ATP8A1: variants seen among roughly 807,000 people sequenced by gnomAD.
ATP8A1 encodes the protein phospholipid-transporting ATPase IA.
A neutral mutation model predicts 177.7 loss-of-function variants in ATP8A1; 90 were observed. That is an observed-to-expected ratio of 0.51 (90% CI 0.43 to 0.60). ATP8A1 has a LOEUF of 0.60. ATP8A1 is among the 20% of genes least tolerant of loss of function. The pLI is 0.00. For missense variants in ATP8A1, 1,072 were observed against 1,392.8 expected, an observed-to-expected ratio of 0.77 and a Z score of 3.67; for synonymous variants, 493 against 485.9, an observed-to-expected ratio of 1.01 and a Z score of -0.19.
chr4:42,650,837 C>G (rs1225121109), intron 1 of ATP8A1, among the ~76,000 whole-genome samples: 1 of 152,078 alleles, frequency 6.6e-6, no homozygotes, highest in Non-Finnish European at 1.5e-5. Flanking sequence ...AGCTCCAGAG[C>G]AGTTTCTATG....
intron 8 of ATP8A1, 143 bp from the exon 9 acceptor site, chr4:42,586,619 C>T (rs1260650393): frequency 2.4e-6 from 2 of 841,596 alleles, no homozygotes; most frequent in African/African-American, 1.7e-5. Context: ...TCTGTCAAAT[C>T]ATAATTAAGA....
intron 24 of ATP8A1, among the ~76,000 whole-genome samples, chr4:42,488,668 G>A (rs1323519636): frequency 2.6e-5 from 4 of 152,122 alleles, no homozygotes; most frequent in African/African-American, 9.7e-5. Context: ...CCTACATTCT[G>A]AGCCTAACTT....
intron 1 of ATP8A1, among the ~76,000 whole-genome samples, chr4:42,629,061 T>C (rs756081290): frequency 8.2e-4 from 125 of 152,274 alleles, no homozygotes; most frequent in Middle Eastern, 6.8e-3. Context: ...CTGAAAGCAA[T>C]TGGATACTGC....
At chr4:42,502,629 T>G (rs767395364) in intron 24 of ATP8A1, among the ~76,000 whole-genome samples, 11 of 152,208 alleles carry the variant, frequency 7.2e-5, no homozygotes, top group Non-Finnish European at 1.6e-4. Context: ...AGAAAAACTG[T>G]GCACCACCTG....
At chr4:42,480,404 T>C (rs1216304728) in intron 25 of ATP8A1, among the ~76,000 whole-genome samples, 1 of 152,244 alleles carries the variant, frequency 6.6e-6, no homozygotes, top group African/African-American at 2.4e-5. Context: ...CCAACATTTA[T>C]TCATATTTTC....
At chr4:42,532,139 C>T (rs1305613599) in intron 20 of ATP8A1, among the ~76,000 whole-genome samples, 1 of 151,758 alleles carries the variant, frequency 6.6e-6, no homozygotes, top group Non-Finnish European at 1.5e-5. Context: ...GACACACAGA[C>T]ACACACACAC....
At chr4:42,611,117 C>T (rs1314713059) in intron 5 of ATP8A1, among the ~76,000 whole-genome samples, 1 of 152,220 alleles carries the variant, frequency 6.6e-6, no homozygotes, top group African/African-American at 2.4e-5. Context: ...TCACAAAGGA[C>T]TTTAAAGCTG....
At chr4:42,541,694 A>C (rs929104601) in intron 20 of ATP8A1, among the ~76,000 whole-genome samples, 12 of 152,220 alleles carry the variant, frequency 7.9e-5, no homozygotes, top group Admixed American at 5.2e-4. Flanking sequence ...GCTAAAAAGA[A>C]ACAAGCTCTC....
chr4:42,549,292 T>G (rs112962736), intron 18 of ATP8A1, among the ~76,000 whole-genome samples: 3 of 152,212 alleles, frequency 2.0e-5, no homozygotes, highest in African/African-American at 7.2e-5. Flanking sequence ...ACCGAAGAGT[T>G]CTTAGAATAT....
At chr4:42,598,896 T>C (rs1189494569) in intron 6 of ATP8A1, among the ~76,000 whole-genome samples, 1 of 152,174 alleles carries the variant, frequency 6.6e-6, no homozygotes, top group African/African-American at 2.4e-5. Flanking sequence ...CTTCAGCTCT[T>C]TTGGGCTGGA....
intron 30 of ATP8A1, among the ~76,000 whole-genome samples, chr4:42,448,401 CTTTTT>C (rs1226963744): frequency 1.5e-4 from 15 of 99,572 alleles, no homozygotes; most frequent in African/African-American, 4.5e-4. Context: ...TCTTTCTTTT[CTTTTT>C]TTTTTTTTTG....
rs1253506514 is a variant in ATP8A1 at position 42,578,253 on chromosome 4, T to C, written c.1128+7A>G. 1.3e-6 allele frequency: 2 copies of C among 1,589,816 alleles called. No individual in the cohort carries two copies. The highest frequency in any genetic ancestry group is 3.6e-5 in the Admixed American group (2 of 55,796). On this transcript the variant is annotated splice_region_variant and intron_variant, in intron 12 of 36. Transcript: ENST00000381668. ...GTAGGGTGATAACAATCATAATTCA[T>C]ATTTACCCAATTTATGAAGTATGCC...
chr4:42,445,350 C>T (rs115510268), intron 31 of ATP8A1, among the ~76,000 whole-genome samples: 1,848 of 152,236 alleles, frequency 0.012, 14 homozygotes, highest in Middle Eastern at 0.02. Context: ...CTCTGTGTCT[C>T]GACTCCTATA....
At chr4:42,446,432 T>C (rs1717262138) in intron 31 of ATP8A1, 151 bp downstream of exon 31, 2 of 578,444 alleles carry the variant, frequency 3.5e-6, no homozygotes, top group East Asian at 3.0e-5. Flanking sequence ...GACCCCATTA[T>C]AAGCCCTGGG....
At chr4:42,649,151 G>C (rs1025428592) in intron 1 of ATP8A1, among the ~76,000 whole-genome samples, 4 of 152,190 alleles carry the variant, frequency 2.6e-5, no homozygotes, top group Middle Eastern at 3.4e-3. Context: ...CCACCCACAG[G>C]GTTCTTTAGT....
Position 42,632,235 on chromosome 4 carries a change from C to T in ATP8A1, c.50-5126G>A, listed in dbSNP as rs938244949. 5.9e-5 allele frequency among the ~76,000 whole-genome samples: 9 copies of T among 152,160 alleles called. No individual in the cohort carries two copies. The South Asian group carries it at 6.2e-4, about 11-fold the overall frequency. ...TCCAAGGTCTGTAACTTCTTAAAAA[C>T]GGTCAGAATCAAACCAGTTCCCAGA... On this transcript the variant is annotated intron_variant, in intron 1 of 36. Coordinates refer to ENST00000381668, the MANE Select transcript of ATP8A1 (RefSeq NM_006095.2).
chr4:42,423,817 G>C (rs950322101), intron 33 of ATP8A1, 112 bp from the exon 34 acceptor site: 45 of 665,086 alleles, frequency 6.8e-5, no homozygotes, highest in Non-Finnish European at 8.1e-5. Flanking sequence ...TTCTGTAAGA[G>C]AGTATACAAC....
At chr4:42,476,398 C>G (rs1187701456) in intron 25 of ATP8A1, among the ~76,000 whole-genome samples, 1 of 151,908 alleles carries the variant, frequency 6.6e-6, no homozygotes, top group East Asian at 1.9e-4. Context: ...TCGGGCGGAT[C>G]TCTTGAGGTC....
At chr4:42,628,685 T>C (rs188444551) in intron 1 of ATP8A1, among the ~76,000 whole-genome samples, 15 of 152,296 alleles carry the variant, frequency 9.8e-5, no homozygotes, top group Admixed American at 1.3e-4. Context: ...TTTTGTATAA[T>C]TGAAATTTCA....
Sources: allele counts gnomAD v4.1 joint callset (sites outside exome capture counted in the v4.1 genomes callset), GRCh38; gene constraint gnomAD v4.1.1; transcripts MANE v1.5; gene names NCBI Gene and HGNC (gene_info 2026-07-23, HGNC 2026-07-21).